Variants in PDE4D observed in about 807,000 individuals in gnomAD.
PDE4D encodes the protein 3',5'-cyclic-AMP phosphodiesterase 4D.
Under a neutral mutation model 87.4 loss-of-function variants are expected in PDE4D, and 24 were observed. The observed-to-expected ratio is 0.27, with a 90% confidence interval of 0.20 to 0.39. The LOEUF (loss-of-function observed/expected upper bound fraction) is 0.39, where lower values mean the gene tolerates loss of function less well. Among genes scored for constraint, PDE4D ranks in the 10% least tolerant of loss-of-function variants. PDE4D has a pLI of 1.00. For synonymous variants in PDE4D, 384 were observed against 383.2 expected (o/e 1.00, Z -0.02); for missense variants, 714 against 1,041.0 (o/e 0.69, Z 4.32).
intron 1 of PDE4D, among the ~76,000 whole-genome samples, chr5:59,654,545 T>A (rs1204421433): frequency 6.6e-6 from 1 of 152,236 alleles, no homozygotes; most frequent in Non-Finnish European, 1.5e-5. Context: ...GAGGGGCCAC[T>A]ACTTAGGAAA....
intron 2 of PDE4D, among the ~76,000 whole-genome samples, chr5:60,111,874 C>T (rs1022396559): frequency 1.3e-5 from 2 of 151,822 alleles, no homozygotes; most frequent in Non-Finnish European, 2.9e-5. Flanking sequence ...ATACTTTATT[C>T]CCAGACTATT....
In PDE4D at chr5:59,152,451, T is replaced by C. The variant is rs551219121; in HGVS notation, c.808+28144A>G. Among the ~76,000 whole-genome samples the C allele has an allele frequency of 3.9e-5, 6 of 152,312 alleles. No homozygotes were observed. In the South Asian group the frequency reaches 1.2e-3, roughly 32 times the overall value. On this transcript the variant is annotated intron_variant, in intron 5 of 14. Coordinates refer to ENST00000340635, the MANE Select transcript of PDE4D (RefSeq NM_001104631.2). ...TGCTTTAATAACAGCTGGAAAAACA[T>C]GTTGAGTATGAACATACCTTTTTTA...
At chr5:59,071,456 C>G (rs1764769874) in intron 5 of PDE4D, among the ~76,000 whole-genome samples, 2 of 150,448 alleles carry the variant, frequency 1.3e-5, no homozygotes, top group Admixed American at 6.6e-5. Flanking sequence ...GAGATGTCCT[C>G]AATTTACCTT....
chr5:59,229,120 A>G (rs1475765694), intron 1 of PDE4D, among the ~76,000 whole-genome samples: 1 of 152,134 alleles, frequency 6.6e-6, no homozygotes, highest in East Asian at 1.9e-4. Context: ...CCCCATTAGA[A>G]TATAAGCTCC....
In PDE4D at chr5:59,988,539, AGGCTGGTT is replaced by A. The variant is rs1762672129; in HGVS notation, c.213_220del (p.Thr72ProfsTer19). The A allele has an allele frequency of 6.3e-7, 1 of 1,598,916 alleles. No individual in the cohort carries two copies. The highest frequency in any genetic ancestry group is 1.3e-5 in the African/African-American group (1 of 74,876). On this transcript the variant is annotated frameshift_variant, in exon 3 of 17. Coordinates refer to the PDE4D transcript ENST00000502484. LOFTEE classifies it high-confidence loss of function. Reference sequence around the variant, plus strand: ...AATCAGCGGCAGAATCTTCAGGGGGAGGCTGGTTGGTCGTTGAATGTTCTCTGATTCAC... The same window carrying A: ...AATCAGCGGCAGAATCTTCAGGGGGAGGTCGTTGAATGTTCTCTGATTCAC...
chr5:59,914,866 GGTGT>G (rs3062699), intron 3 of PDE4D, among the ~76,000 whole-genome samples: 10,494 of 122,402 alleles, frequency 0.086, 558 homozygotes, highest in East Asian at 0.28. Context: ...TACTGATAGG[GGTGT>G]GTGTGTGTGT....
At chr5:59,879,109 C>G (rs904182200) in intron 1 of PDE4D, among the ~76,000 whole-genome samples, 1 of 151,476 alleles carries the variant, frequency 6.6e-6, no homozygotes, top group Non-Finnish European at 1.5e-5. Flanking sequence ...ACCATGTTAG[C>G]CAGGATGGTC....
At chr5:59,360,566 T>C (rs1782047937) in intron 1 of PDE4D, among the ~76,000 whole-genome samples, 1 of 152,176 alleles carries the variant, frequency 6.6e-6, no homozygotes, top group Non-Finnish European at 1.5e-5. Flanking sequence ...TTAAAACTAA[T>C]ATCCATTCAG....
intron 5 of PDE4D, among the ~76,000 whole-genome samples, chr5:59,074,117 C>T (rs1286660305): frequency 6.6e-6 from 1 of 151,946 alleles, no homozygotes; most frequent in African/African-American, 2.4e-5. Flanking sequence ...ATTCAAGCTC[C>T]CAGCAAATTC....
Position 60,059,172 on chromosome 5 carries a change from T to A in PDE4D, c.43-70455A>T, listed in dbSNP as rs1229344080. Among the ~76,000 whole-genome samples the A allele has an allele frequency of 3.3e-5, 5 of 151,872 alleles. No individual in the cohort carries two copies. The East Asian group carries it at 7.8e-4, about 24-fold the overall frequency. ...GGCAAAACCCAAAACACACTGGAGA[T>A]TTTCCTGAGAACTAAGTTTTAAGCT... On this transcript the variant is annotated intron_variant, in intron 2 of 16. Transcript: ENST00000502484.
chr5:59,404,642 G>T (rs1791291072), intron 1 of PDE4D, among the ~76,000 whole-genome samples: 1 of 144,864 alleles, frequency 6.9e-6, no homozygotes. Flanking sequence ...CTCCAGTCTG[G>T]GCAACAGAGT....
Position 60,467,797 on chromosome 5 carries a change from TGGC to T in PDE4D, c.-90+20142_-90+20144del, listed in dbSNP as rs568974009. Among the ~76,000 whole-genome samples the T allele has an allele frequency of 3.0e-4, 46 of 152,226 alleles. No homozygotes were observed. In the South Asian group the frequency reaches 6.4e-3, roughly 21 times the overall value. ...AGGTGAAGGGGAAGCAAGCACGTCT[TGGC>T]ATGGCAGAGCAGGAGAGAGAGAAAG... On this transcript the variant is annotated intron_variant, in intron 1 of 16. Transcript: ENST00000502484.
intron 1 of PDE4D, among the ~76,000 whole-genome samples, chr5:59,526,518 T>C (rs1258162461): frequency 2.0e-5 from 3 of 152,240 alleles, no homozygotes; most frequent in Non-Finnish European, 2.9e-5. Flanking sequence ...TCTTATTATC[T>C]ACAACAATTA....
chr5:60,199,959 G>A lies in PDE4D; in HGVS notation c.-89-14272C>T, dbSNP rs1228690028. 2.0e-5 allele frequency among the ~76,000 whole-genome samples: 3 copies of A among 151,580 alleles called. No individual in the cohort carries two copies. In the East Asian group the frequency reaches 5.8e-4, roughly 29 times the overall value. ...CTTATGGCAAGAGAACAGAATTAGA[G>A]TATTAAACCAGCTTCAGATACTTCA... On this transcript the variant is annotated intron_variant, in intron 1 of 16. Transcript: ENST00000502484.
intron 1 of PDE4D, among the ~76,000 whole-genome samples, chr5:59,433,269 T>A (rs1796364653): frequency 6.6e-6 from 1 of 152,126 alleles, no homozygotes; most frequent in Non-Finnish European, 1.5e-5. Context: ...TGTCCTATGA[T>A]GGGTAAAATT....
chr5:59,918,968 C>A (rs1441231687), intron 3 of PDE4D, among the ~76,000 whole-genome samples: 1 of 151,932 alleles, frequency 6.6e-6, no homozygotes, highest in Non-Finnish European at 1.5e-5. Flanking sequence ...TTGAAATATT[C>A]AAGGAAGCAA....
chr5:59,426,661 G>A (rs1408551291), intron 1 of PDE4D, among the ~76,000 whole-genome samples: 1 of 152,040 alleles, frequency 6.6e-6, no homozygotes, highest in East Asian at 1.9e-4. Flanking sequence ...AAGGCGGCTG[G>A]GTGAGGTAAA....
At chr5:59,814,835 GA>G (rs907384942) in intron 1 of PDE4D, among the ~76,000 whole-genome samples, 16 of 150,428 alleles carry the variant, frequency 1.1e-4, no homozygotes, top group South Asian at 4.2e-4. Context: ...TAAGGAGGAG[GA>G]AAAAAAAATG....
intron 2 of PDE4D, among the ~76,000 whole-genome samples, chr5:60,137,932 T>C (rs2149411994): frequency 1.3e-5 from 2 of 152,278 alleles, no homozygotes; most frequent in South Asian, 4.1e-4. Flanking sequence ...TATATTGAAT[T>C]CTTTAATCTA....
Sources: allele counts gnomAD v4.1 joint callset (sites outside exome capture counted in the v4.1 genomes callset), GRCh38; gene constraint gnomAD v4.1.1; transcripts MANE v1.5; gene names NCBI Gene and HGNC (gene_info 2026-07-23, HGNC 2026-07-21).